Variants in NAV3 observed in about 807,000 individuals in gnomAD.
NAV3 encodes pore membrane and/or filament interacting like protein 1.
In NAV3, 87 loss-of-function variants were observed where a neutral mutation model predicts 244.7. The ratio of observed to expected loss-of-function variants is 0.36; its 90% CI spans 0.30 to 0.42. NAV3 has a LOEUF of 0.42. Among genes scored for constraint, NAV3 ranks in the 20% least tolerant of loss-of-function variants. The pLI, the probability that NAV3 is intolerant of heterozygous loss-of-function variation, is 1.00. For synonymous variants in NAV3, 1,126 were observed against 1,042.2 expected, an observed-to-expected ratio of 1.08 and a Z score of -1.55; for missense variants, 2,663 against 2,893.3, an observed-to-expected ratio of 0.92 and a Z score of 1.83.
At chr12:77,647,669 A>G in intron 2 of NAV3, among the ~76,000 whole-genome samples, 1 of 152,060 alleles carries the variant, frequency 6.6e-6, no homozygotes, top group East Asian at 1.9e-4. Context: ...ATTTATTAAC[A>G]TTTTACAGTT....
chr12:77,652,502 T>C (rs1358115321), intron 2 of NAV3, among the ~76,000 whole-genome samples: 1 of 152,122 alleles, frequency 6.6e-6, no homozygotes, highest in Non-Finnish European at 1.5e-5. Context: ...AATAAAGATG[T>C]AAACAACTGA....
intron 2 of NAV3, among the ~76,000 whole-genome samples, chr12:77,606,026 C>G (rs1177070451): frequency 6.6e-6 from 1 of 152,114 alleles, no homozygotes. Context: ...TTTTTTAAGA[C>G]AGCAGTTAAT....
chr12:77,796,175 G>A (rs563476219), intron 2 of NAV3, among the ~76,000 whole-genome samples: 1 of 152,160 alleles, frequency 6.6e-6, no homozygotes, highest in Non-Finnish European at 1.5e-5. Context: ...TGCCATTCTA[G>A]ATGCCATTGA....
intron 35 of NAV3, 93 bp downstream of exon 35, chr12:78,197,494 A>G (rs1959193849): frequency 3.4e-6 from 3 of 890,434 alleles, no homozygotes; most frequent in Non-Finnish European, 4.8e-6. Flanking sequence ...AAATTTGTTT[A>G]ATATTTAATT....
chr12:78,012,215 A>G (rs1232237686), intron 8 of NAV3, among the ~76,000 whole-genome samples: 1 of 152,132 alleles, frequency 6.6e-6, no homozygotes, highest in Non-Finnish European at 1.5e-5. Flanking sequence ...TTCTTCTGAA[A>G]CATACCCTCA....
intron 2 of NAV3, among the ~76,000 whole-genome samples, chr12:77,772,551 G>A (rs1870147861): frequency 6.6e-6 from 1 of 152,088 alleles, no homozygotes; most frequent in Admixed American, 6.5e-5. Context: ...AAACTAGCAA[G>A]GAGATGCTAG....
At chr12:77,719,418 C>A (rs1876511708) in intron 2 of NAV3, among the ~76,000 whole-genome samples, 2 of 149,356 alleles carry the variant, frequency 1.3e-5, no homozygotes, top group South Asian at 4.2e-4. Context: ...TTTTTTTTGA[C>A]AGTTGAGTAT....
intron 2 of NAV3, among the ~76,000 whole-genome samples, chr12:77,666,132 A>T (rs1873702854): frequency 6.7e-6 from 1 of 149,142 alleles, no homozygotes; most frequent in Non-Finnish European, 1.5e-5. Flanking sequence ...TTTCAGGTAT[A>T]CTCATGTAGA....
intron 9 of NAV3, among the ~76,000 whole-genome samples, chr12:78,033,405 G>T (rs150527966): frequency 6.6e-6 from 1 of 152,004 alleles, no homozygotes; most frequent in African/African-American, 2.4e-5. Context: ...AGGTCTTGGC[G>T]TAATTAGAAT....
At chr12:78,092,074 C>T (rs1327563046) in intron 12 of NAV3, among the ~76,000 whole-genome samples, 1 of 152,128 alleles carries the variant, frequency 6.6e-6, no homozygotes, top group Non-Finnish European at 1.5e-5. Flanking sequence ...AGGACACAGT[C>T]GTGCACAAGA....
chr12:77,826,478 C>T (rs976145332), upstream of NAV3, among the ~76,000 whole-genome samples: 3 of 152,054 alleles, frequency 2.0e-5, no homozygotes, highest in South Asian at 2.1e-4. Context: ...GGTGACAGAG[C>T]GTGACTCTGT....
chr12:77,797,181 C>A (rs1420721059), intron 2 of NAV3, among the ~76,000 whole-genome samples: 2 of 152,106 alleles, frequency 1.3e-5, no homozygotes, highest in African/African-American at 4.8e-5. Flanking sequence ...TATTCATTTG[C>A]TCCTCACAAA....
chr12:78,207,871 A>G (rs1960483378), intron 39 of NAV3, among the ~76,000 whole-genome samples: 1 of 152,186 alleles, frequency 6.6e-6, no homozygotes, highest in African/African-American at 2.4e-5. Flanking sequence ...TCACTTTAAT[A>G]ACAGAGTAGA....
chr12:77,587,470 A>G (rs1467738832), intron 2 of NAV3, among the ~76,000 whole-genome samples: 1 of 152,204 alleles, frequency 6.6e-6, no homozygotes, highest in African/African-American at 2.4e-5. Flanking sequence ...GATAAGATCC[A>G]CAGAGCCATA....
In NAV3 at chr12:78,132,475, T is replaced by C. The variant is rs542914159; in HGVS notation, c.4441+3609T>C. 9.8e-5 allele frequency among the ~76,000 whole-genome samples: 15 copies of C among 152,292 alleles called. No individual in the cohort carries two copies. The South Asian group carries it at 3.1e-3, about 32-fold the overall frequency. On this transcript the variant is annotated intron_variant, in intron 18 of 39. Transcript: ENST00000397909. Reference sequence around the variant, plus strand: ...GACACTGCCCTCTTGATTCTCTTCATACTTTTCCAACTACAATTCTTTCTC... The same window carrying C: ...GACACTGCCCTCTTGATTCTCTTCACACTTTTCCAACTACAATTCTTTCTC...
chr12:78,029,070 C>T (rs1413214045), intron 9 of NAV3, among the ~76,000 whole-genome samples: 1 of 151,732 alleles, frequency 6.6e-6, no homozygotes, highest in Non-Finnish European at 1.5e-5. Context: ...CTGCCTGGCA[C>T]AGCCTCTGGT....
chr12:78,196,896 A>G (rs986085234), intron 34 of NAV3, among the ~76,000 whole-genome samples: 4 of 151,906 alleles, frequency 2.6e-5, no homozygotes, highest in Non-Finnish European at 5.9e-5. Context: ...TAAAATCTCA[A>G]TATATGTGGT....
intron 20 of NAV3, 84 bp from the exon 21 acceptor site, chr12:78,146,285 C>A: frequency 2.0e-6 from 1 of 507,322 alleles, no homozygotes; most frequent in South Asian, 5.7e-5. Flanking sequence ...AAAAGTACAT[C>A]ATGATTATTG....
At chr12:77,775,431 T>C (rs1302615119) in intron 2 of NAV3, among the ~76,000 whole-genome samples, 6 of 151,750 alleles carry the variant, frequency 4.0e-5, no homozygotes, top group African/African-American at 1.5e-4. Flanking sequence ...ATTTTTTGGC[T>C]CTTTAAGCTG....
Sources: allele counts gnomAD v4.1 joint callset (sites outside exome capture counted in the v4.1 genomes callset), GRCh38; gene constraint gnomAD v4.1.1; transcripts MANE v1.5; gene names NCBI Gene and HGNC (gene_info 2026-07-23, HGNC 2026-07-21).